Variants in GALNT9 observed in about 807,000 individuals in gnomAD.
The protein encoded by GALNT9 is GalNAc transferase 9.
Under a neutral mutation model 63.1 loss-of-function variants are expected in GALNT9, and 47 were observed. The ratio of observed to expected loss-of-function variants is 0.75; its 90% CI spans 0.59 to 0.95. The LOEUF (loss-of-function observed/expected upper bound fraction) is 0.95. Ranked by LOEUF, GALNT9 falls within the 40% of genes least tolerant of loss-of-function variation. GALNT9 has a pLI of 0.00. For synonymous variants in GALNT9, 396 were observed against 365.7 expected (o/e 1.08, Z -0.94); for missense variants, 829 against 874.8 (o/e 0.95, Z 0.66).
At chr12:132,288,959 A>G (rs1288477235) in intron 1 of GALNT9, among the ~76,000 whole-genome samples, 1 of 151,648 alleles carries the variant, frequency 6.6e-6, no homozygotes, top group African/African-American at 2.4e-5. Context: ...ATGGCTGCCC[A>G]ATGCCCGGCG....
intron 6 of GALNT9, among the ~76,000 whole-genome samples, chr12:132,241,259 C>A (rs2136901087): frequency 2.9e-3 from 85 of 29,308 alleles, no homozygotes; most frequent in South Asian, 4.0e-3. Context: ...CACGCCACAC[C>A]CCCTTCCCGG....
chr12:132,295,837 G>A (rs868955191), intron 1 of GALNT9, among the ~76,000 whole-genome samples: 2 of 149,526 alleles, frequency 1.3e-5, no homozygotes, highest in Admixed American at 6.6e-5. Context: ...CGAACAGGGA[G>A]AGCCTCCGAA....
chr12:132,199,479 A>G (rs1875826753), intron 8 of GALNT9, among the ~76,000 whole-genome samples: 1 of 152,090 alleles, frequency 6.6e-6, no homozygotes, highest in Non-Finnish European at 1.5e-5. Flanking sequence ...TCCGCCATGC[A>G]CAGATGGAGA....
intron 5 of GALNT9, among the ~76,000 whole-genome samples, chr12:132,254,314 C>T (rs986023330): frequency 9.8e-5 from 15 of 152,322 alleles, no homozygotes; most frequent in Middle Eastern, 3.4e-3. Flanking sequence ...CCGGCCCCTC[C>T]GCTGCTTTTA....
chr12:132,278,781 G>A (rs1340869370), intron 2 of GALNT9: 1 of 152,316 alleles, frequency 6.6e-6, no homozygotes, highest in Non-Finnish European at 1.5e-5. Context: ...CGTGCCTCGG[G>A]AGCCTGGAGC....
At chr12:132,258,260 C>T (rs1180140023) in intron 4 of GALNT9, among the ~76,000 whole-genome samples, 3 of 152,248 alleles carry the variant, frequency 2.0e-5, no homozygotes, top group Admixed American at 1.3e-4. Context: ...CCCCGAGTCC[C>T]TCCTCTCCTT....
chr12:132,201,405 CAGTTG>C, intron 7 of GALNT9, 144 bp from the exon 8 acceptor site: 21 of 557,316 alleles, frequency 3.8e-5, no homozygotes, highest in Middle Eastern at 4.1e-4. Flanking sequence ...AGGCCCCATC[CAGTTG>C]GGACCCCCCA....
chr12:132,201,592 G>A (rs1876123727), intron 7 of GALNT9, among the ~76,000 whole-genome samples: 3 of 152,184 alleles, frequency 2.0e-5, no homozygotes, highest in Admixed American at 2.0e-4. Context: ...TGGCCTTACT[G>A]CACGGCATCA....
chr12:132,263,203 A>T (rs78713876), intron 2 of GALNT9, among the ~76,000 whole-genome samples: 1 of 152,220 alleles, frequency 6.6e-6, no homozygotes, highest in East Asian at 1.9e-4. Flanking sequence ...GCTGGTTCCA[A>T]GCCTCTGGTG....
rs537076622 is a variant in GALNT9, at chr12:132,267,898, C to T, written c.420-5273G>A. Reference sequence around the variant, plus strand: ...ACCCACATGCACTCACACGCACACACGCACACAAATCCACATGCACTCACA... The same window carrying T: ...ACCCACATGCACTCACACGCACACATGCACACAAATCCACATGCACTCACA... On this transcript the variant is annotated intron_variant, in intron 2 of 10. Transcript: ENST00000328957. Among the ~76,000 whole-genome samples the T allele has an allele frequency of 7.7e-4, 115 of 149,588 alleles. 2 individuals carry two copies. In the South Asian group the frequency reaches 0.014, roughly 18 times the overall value.
At position 132,328,204 on chromosome 12, in the gene GALNT9, T is replaced by C. The variant is rs372696036; in HGVS notation, c.238+762A>G. ...TGTGGCCGCTGGCCCTGACCTGTGG[T>C]GATGCCGGTGCTGCTCCTCGGGCTG... On this transcript the variant is annotated intron_variant, in intron 1 of 10. Coordinates refer to ENST00000328957, the MANE Select transcript of GALNT9 (RefSeq NM_001122636.2). Among the ~76,000 whole-genome samples, 268 of 152,266 alleles carry C rather than the reference T, an allele frequency of 1.8e-3. 1 individual carries two copies. The highest frequency in any genetic ancestry group is 5.6e-3 in the African/African-American group (233 of 41,548).
At chr12:132,215,748 A>AGTGGGC (rs1174012564) in intron 6 of GALNT9, among the ~76,000 whole-genome samples, 1 of 152,210 alleles carries the variant, frequency 6.6e-6, no homozygotes, top group Non-Finnish European at 1.5e-5. Flanking sequence ...CAGAGCAGCC[A>AGTGGGC]GTGGGCATGG....
chr12:132,257,751 C>T lies in GALNT9; in HGVS notation c.897G>A (p.Trp299Ter), dbSNP rs1389169603. 6.4e-7 allele frequency: 1 copy of T among 1,550,534 alleles called. No individual in the cohort carries two copies. Among genetic ancestry groups the T allele is most frequent in the Non-Finnish European group, 8.7e-7 (1 of 1,146,840 alleles). ...NAAHGYNWGL[W>*]CMYIIPPQDW... ...CCTGCGGGGGGATGATGTACATGCA[C>T]CAGAGGCCCCAGTTGTAGCCATGGG... The change falls in exon 5 of 11, where the codon TGG becomes TGA. Residue 299 changes from tryptophan to a stop codon, truncating the protein, a stop_gained. Coordinates refer to ENST00000328957, the MANE Select transcript of GALNT9 (RefSeq NM_001122636.2). LOFTEE classifies it high-confidence loss of function.
intron 8 of GALNT9, among the ~76,000 whole-genome samples, chr12:132,199,790 C>T (rs557419965): frequency 2.0e-5 from 3 of 152,328 alleles, no homozygotes; most frequent in South Asian, 2.1e-4. Flanking sequence ...ACAGGCCCAT[C>T]GGAGATCAGC....
chr12:132,281,198 G>A (rs1880328243), intron 2 of GALNT9, among the ~76,000 whole-genome samples: 1 of 152,376 alleles, frequency 6.6e-6, no homozygotes, highest in Non-Finnish European at 1.5e-5. Context: ...AAGACCCAGC[G>A]TCCACCGGGG....
At position 132,307,663 on chromosome 12, in the gene GALNT9, C is replaced by A. The variant is rs539365581; in HGVS notation, c.239-21233G>T. ...CCTGACCAACATGATGAAACCTCAT[C>A]TCTACTAAAAAAAAAAAAAAAATAG... On this transcript the variant is annotated intron_variant, in intron 1 of 10. Coordinates refer to ENST00000328957, the MANE Select transcript of GALNT9 (RefSeq NM_001122636.2). Among the ~76,000 whole-genome samples the A allele has an allele frequency of 6.3e-3, 627 of 99,470 alleles. 7 individuals are homozygous for A. The highest frequency in any genetic ancestry group is 0.022 in the African/African-American group (595 of 26,508). The allele number at this position is 99,470 out of a possible 152,430, so 65.3% of individuals were successfully genotyped here.
rs1555239857 is a variant in GALNT9, at chr12:132,262,418, AGCC to A, written c.586+38_586+40del. 14 of 1,525,782 alleles carry A rather than the reference AGCC, an allele frequency of 9.2e-6. 1 individual carries two copies. The East Asian group carries it at 3.4e-4, about 38-fold the overall frequency. 94.5% of individuals were successfully genotyped at this position (1,525,782 alleles called of 1,614,324 possible). On this transcript the variant is annotated intron_variant, in intron 3 of 10. Transcript: ENST00000328957. ...ACCCCAACTCAACCCAGCCACAGGC[AGCC>A]GCCCGGCGAGCACCGTGCCGAGGCC... is the stretch of plus-strand genomic sequence containing the variant.
In GALNT9 at chr12:132,250,438, A is replaced by G. The variant is rs1273303157; in HGVS notation, c.960-2411T>C. 3.3e-5 allele frequency among the ~76,000 whole-genome samples: 5 copies of G among 152,192 alleles called. No homozygotes were observed. In the South Asian group the frequency reaches 6.2e-4, roughly 19 times the overall value. ...CTTTAGTGTGGTTGATTTGTGTTAT[A>G]TGAGTTTCACCAATGGCCCATTGAG... On this transcript the variant is annotated intron_variant, in intron 5 of 10. Transcript: ENST00000328957.
chr12:132,260,927 C>T lies in GALNT9; in HGVS notation c.761+21G>A, dbSNP rs531061566. On this transcript the variant is annotated intron_variant, in intron 4 of 10. Transcript: ENST00000328957. ...AGGGGGACCCGCTGAGACTGGCTGT[C>T]CAGCCTGTTCCGGCCCTTACCAGCC... is the stretch of plus-strand genomic sequence containing the variant. 2.7e-4 allele frequency: 413 copies of T among 1,510,496 alleles called. 9 individuals carry two copies. In the South Asian group the frequency reaches 4.5e-3, roughly 17 times the overall value. 93.6% of individuals were successfully genotyped at this position (1,510,496 alleles called of 1,614,324 possible).
Sources: gnomAD v4.1 joint callset for allele counts (sites outside exome capture counted in the v4.1 genomes callset) on GRCh38, gnomAD v4.1.1 for gene constraint, MANE v1.5 for transcripts, NCBI Gene and HGNC (gene_info 2026-07-23, HGNC 2026-07-21) for gene names.